The following LIAT1 variants were observed in gnomAD, a reference collection of about 807,000 sequenced individuals.
LIAT1 encodes ligand of ATE1, also known as protein LIAT1.
the LIAT1 span, chr17:410,746 A>G: frequency 1.5e-5 from 17 of 1,166,810 alleles, no homozygotes; most frequent in Admixed American, 1.4e-4. Context: ...ACAGAAGCTC[A>G]GTGGTCCCGG....
the LIAT1 span, chr17:414,019 G>A: frequency 3.1e-6 from 5 of 1,614,248 alleles, no homozygotes; most frequent in Non-Finnish European, 3.4e-6. This position sits in a 1 kb window ranked among gnomAD's most constrained non-coding sequence, Gnocchi z 4.1. Flanking sequence ...GCCACAGGCA[G>A]CCCACGTCGA....
chr17:414,363 T>A, the LIAT1 span: 3 of 502,460 alleles, frequency 6.0e-6, no homozygotes, highest in Admixed American at 7.6e-5. The surrounding 1 kb of genome is among the most constrained non-coding windows in gnomAD (Gnocchi z 4.1). Context: ...AGTAAGCATC[T>A]CTGTTACTTA....
chr17:412,732 T>C, the LIAT1 span, among the ~76,000 whole-genome samples: 119 of 152,302 alleles, frequency 7.8e-4, no homozygotes, highest in African/African-American at 2.8e-3. Context: ...GAACTGGGAA[T>C]GGCCGTGGTG....
chr17:410,391 T>TCGGGC, the LIAT1 span: 1 of 1,522,250 alleles, frequency 6.6e-7, no homozygotes, highest in African/African-American at 1.4e-5. Flanking sequence ...GAGTCGCCGA[T>TCGGGC]TAGTCGGCAT....
the LIAT1 span, chr17:413,405 A>G: frequency 1.2e-6 from 2 of 1,614,238 alleles, no homozygotes; most frequent in Non-Finnish European, 1.7e-6. Context: ...AAGGATTCGC[A>G]TCTATAAACT....
the LIAT1 span, chr17:410,456 C>G: frequency 1.9e-6 from 3 of 1,540,114 alleles, no homozygotes; most frequent in Non-Finnish European, 2.6e-6. Flanking sequence ...GGCGGCTGGA[C>G]CGCCGCGGTG....
At chr17:414,034 C>G in the LIAT1 span, 1 of 1,614,258 alleles carries the variant, frequency 6.2e-7, no homozygotes. The surrounding 1 kb of genome is among the most constrained non-coding windows in gnomAD (Gnocchi z 4.1). Context: ...CGTCGAAAGC[C>G]GAGTGCCCCA....
At chr17:410,759 C>G in the LIAT1 span, 1 of 968,266 alleles carries the variant, frequency 1.0e-6, no homozygotes, top group Admixed American at 2.5e-5. Context: ...GGTCCCGGAC[C>G]GAGGTCCTCC....
At chr17:412,864 C>A in the LIAT1 span, among the ~76,000 whole-genome samples, 352 of 152,356 alleles carry the variant, frequency 2.3e-3, 1 homozygote, top group African/African-American at 8.2e-3. Flanking sequence ...AGTTCCTGAA[C>A]CTTTTGGAGC....
At chr17:410,766 C>T in the LIAT1 span, 1 of 884,796 alleles carries the variant, frequency 1.1e-6, no homozygotes, top group Non-Finnish European at 1.7e-6. Flanking sequence ...GACCGAGGTC[C>T]TCCTGCTCCC....
At chr17:414,272 G>A in the LIAT1 span, 377 of 897,342 alleles carry the variant, frequency 4.2e-4, 1 homozygote, top group African/African-American at 5.5e-3. The surrounding 1 kb of genome is among the most constrained non-coding windows in gnomAD (Gnocchi z 4.1). Context: ...AGCTGCCCTC[G>A]GTTGCCCAGG....
the LIAT1 span, among the ~76,000 whole-genome samples, chr17:411,289 A>G: frequency 2.0e-5 from 3 of 152,116 alleles, no homozygotes; most frequent in African/African-American, 4.8e-5. Context: ...TCCCCGCTTC[A>G]TATCAGTGTA....
the LIAT1 span, chr17:413,430 G>T: frequency 6.2e-7 from 1 of 1,614,018 alleles, no homozygotes; most frequent in African/African-American, 1.3e-5. Context: ...CGGAGAAAAC[G>T]GTACCGGTGC....
the LIAT1 span, chr17:414,001 C>T: frequency 6.2e-7 from 1 of 1,614,144 alleles, no homozygotes; most frequent in Non-Finnish European, 8.5e-7. The surrounding 1 kb of genome is among the most constrained non-coding windows in gnomAD (Gnocchi z 4.1). Flanking sequence ...ACAAAGATGG[C>T]AGCTCCAGCC....
chr17:411,858 G>A, the LIAT1 span, among the ~76,000 whole-genome samples: 1 of 152,218 alleles, frequency 6.6e-6, no homozygotes, highest in Admixed American at 6.5e-5. Context: ...TCGCCCGTGT[G>A]GTCCACCTCA....
the LIAT1 span, chr17:413,741 A>AATGCCGAGG: frequency 1.0e-6 from 1 of 992,630 alleles, no homozygotes; most frequent in East Asian, 5.3e-5. Flanking sequence ...CCCCGACCCC[A>AATGCCGAGG]AGGCCCTCAA....
chr17:413,590 C>T, the LIAT1 span: 19 of 1,522,258 alleles, frequency 1.2e-5, 1 homozygote, highest in Middle Eastern at 2.4e-4. Context: ...ACCCCGACCC[C>T]GAGGCTCTCA....
chr17:412,953 G>T, the LIAT1 span, among the ~76,000 whole-genome samples: 1 of 152,232 alleles, frequency 6.6e-6, no homozygotes, highest in African/African-American at 2.4e-5. Flanking sequence ...TCAATGAATG[G>T]TTCCTCCTGC....
the LIAT1 span, chr17:410,479 TG>T: frequency 3.9e-6 from 6 of 1,542,818 alleles, no homozygotes; most frequent in East Asian, 1.5e-4. Flanking sequence ...GCGGGGACAA[TG>T]GGGTACAAGG....
Sources: allele counts gnomAD v4.1 joint callset (sites outside exome capture counted in the v4.1 genomes callset), GRCh38; gene constraint gnomAD v4.1.1; non-coding constraint Gnocchi (gnomAD v3.1); transcripts MANE v1.5; gene names NCBI Gene and HGNC (gene_info 2026-07-23, HGNC 2026-07-21).